The following SPMAP2L variants were observed in gnomAD, a reference collection of about 807,000 sequenced individuals.
SPMAP2L encodes sperm microtubule associated protein 2 like, also known as sperm microtubule associated protein 2-like.
the SPMAP2L span, chr4:56,593,945 C>T: frequency 1.2e-6 from 2 of 1,608,604 alleles, no homozygotes; most frequent in East Asian, 2.2e-5. Flanking sequence ...GCATCAACTC[C>T]AGCATGACGT....
At chr4:56,600,097 C>CTTTTTTTTTTTTTTTTTT in the SPMAP2L span, among the ~76,000 whole-genome samples, 22 of 87,802 alleles carry the variant, frequency 2.5e-4, 1 homozygote, top group African/African-American at 9.1e-4. Context: ...TCTTTGCTTT[C>CTTTTTTTTTTTTTTTTTT]TTTTTTTTTT....
At chr4:56,541,147 A>G in the SPMAP2L span, among the ~76,000 whole-genome samples, 1 of 152,250 alleles carries the variant, frequency 6.6e-6, no homozygotes, top group Non-Finnish European at 1.5e-5. Flanking sequence ...ATATTTTAAT[A>G]TAACTGCTTA....
the SPMAP2L span, among the ~76,000 whole-genome samples, chr4:56,595,879 T>A: frequency 6.6e-6 from 1 of 152,200 alleles, no homozygotes; most frequent in South Asian, 2.1e-4. Flanking sequence ...ATACAGTACC[T>A]GGAGGGAGTC....
At chr4:56,566,974 C>T in the SPMAP2L span, among the ~76,000 whole-genome samples, 10 of 151,942 alleles carry the variant, frequency 6.6e-5, no homozygotes, top group African/African-American at 2.4e-4. Flanking sequence ...GGATTACAGG[C>T]ATGAGCTACT....
At chr4:56,595,295 A>T in the SPMAP2L span, 1 of 1,612,668 alleles carries the variant, frequency 6.2e-7, no homozygotes, top group Non-Finnish European at 8.5e-7. Context: ...GAGGCAGTGG[A>T]TGTGGCCAAG....
chr4:56,594,579 G>C, the SPMAP2L span: 1 of 1,598,006 alleles, frequency 6.3e-7, no homozygotes. Flanking sequence ...GAGGGGCACA[G>C]AACGGTTTGC....
chr4:56,609,858 T>TGTA, the SPMAP2L span, among the ~76,000 whole-genome samples: 1 of 152,218 alleles, frequency 6.6e-6, no homozygotes, highest in Non-Finnish European at 1.5e-5. Context: ...CTTCCCAGGC[T>TGTA]GTAGAACTGT....
At chr4:56,555,754 C>T in the SPMAP2L span, among the ~76,000 whole-genome samples, 3 of 103,634 alleles carry the variant, frequency 2.9e-5, no homozygotes, top group Non-Finnish European at 5.8e-5. Flanking sequence ...TTTCAAATTC[C>T]GATTGTTCTT....
the SPMAP2L span, among the ~76,000 whole-genome samples, chr4:56,590,293 T>A: frequency 6.6e-6 from 1 of 152,226 alleles, no homozygotes; most frequent in Non-Finnish European, 1.5e-5. Context: ...TCTGTTTATG[T>A]GGTGTATCAC....
At chr4:56,542,628 C>G in the SPMAP2L span, among the ~76,000 whole-genome samples, 1 of 152,116 alleles carries the variant, frequency 6.6e-6, no homozygotes, top group East Asian at 1.9e-4. Flanking sequence ...TAAAATATCC[C>G]ATATTGCAGA....
the SPMAP2L span, among the ~76,000 whole-genome samples, chr4:56,550,757 T>C: frequency 1.3e-5 from 2 of 152,208 alleles, no homozygotes; most frequent in African/African-American, 4.8e-5. Context: ...AAGGAAATTG[T>C]GCCATCTCCA....
chr4:56,574,678 G>A, the SPMAP2L span, among the ~76,000 whole-genome samples: 1 of 151,980 alleles, frequency 6.6e-6, no homozygotes, highest in Non-Finnish European at 1.5e-5. Flanking sequence ...ATATCTTTTG[G>A]TCTATTTGGA....
chr4:56,614,912 A>G, the SPMAP2L span, among the ~76,000 whole-genome samples: 130 of 152,348 alleles, frequency 8.5e-4, no homozygotes, highest in African/African-American at 3.0e-3. Context: ...AAGGTACCTT[A>G]TTAATCCTTA....
chr4:56,531,232 T>G, the SPMAP2L span: 6 of 1,460,184 alleles, frequency 4.1e-6, no homozygotes, highest in South Asian at 1.4e-5. Flanking sequence ...CCCCACGCGC[T>G]GAGCACCCAC....
the SPMAP2L span, chr4:56,593,368 T>C: frequency 8.1e-7 from 1 of 1,239,612 alleles, no homozygotes; most frequent in Non-Finnish European, 1.2e-6. Flanking sequence ...TCGAGCCAAA[T>C]ATACTGGAGT....
the SPMAP2L span, among the ~76,000 whole-genome samples, chr4:56,616,904 A>G: frequency 4.0e-5 from 6 of 151,290 alleles, no homozygotes; most frequent in African/African-American, 1.5e-4. Flanking sequence ...TGTGGTAAGA[A>G]CACTAAACAA....
the SPMAP2L span, among the ~76,000 whole-genome samples, chr4:56,534,393 T>A: frequency 1.2e-4 from 18 of 152,348 alleles, no homozygotes; most frequent in African/African-American, 4.3e-4. Context: ...CTTTAGTCAG[T>A]TTCCTTTGCT....
chr4:56,593,603 A>G, the SPMAP2L span: 1 of 1,604,364 alleles, frequency 6.2e-7, no homozygotes, highest in Non-Finnish European at 8.5e-7. Context: ...CGCCTTGGGC[A>G]GCTCCCAGAG....
chr4:56,552,399 A>G, the SPMAP2L span: 1 of 575,514 alleles, frequency 1.7e-6, no homozygotes, highest in Admixed American at 3.0e-5. Flanking sequence ...GAATGTTTGG[A>G]TACTTTGAGC....
Sources: gnomAD v4.1 joint callset for allele counts (sites outside exome capture counted in the v4.1 genomes callset) on GRCh38, gnomAD v4.1.1 for gene constraint, MANE v1.5 for transcripts, NCBI Gene and HGNC (gene_info 2026-07-23, HGNC 2026-07-21) for gene names.